SLC9C1: variants seen among roughly 807,000 people sequenced by gnomAD.
SLC9C1 encodes the protein solute carrier family 9 member C1, also known as sodium/hydrogen exchanger 10.
In SLC9C1, 97 loss-of-function variants were observed where a neutral mutation model predicts 140.9. The ratio of observed to expected loss-of-function variants is 0.69; its 90% CI spans 0.58 to 0.82. The LOEUF (loss-of-function observed/expected upper bound fraction) is 0.82. SLC9C1 is among the 40% of genes least tolerant of loss of function. The pLI, the probability that SLC9C1 is intolerant of heterozygous loss-of-function variation, is 0.00. For synonymous variants in SLC9C1, 440 were observed against 442.6 expected (o/e 0.99, Z 0.07); for missense variants, 1,340 against 1,389.3 (o/e 0.96, Z 0.56).
At chr3:112,212,346 G>T (rs1343778297) in intron 15 of SLC9C1, among the ~76,000 whole-genome samples, 3 of 152,224 alleles carry the variant, frequency 2.0e-5, no homozygotes, top group Non-Finnish European at 4.4e-5. Flanking sequence ...ACAGAACAAA[G>T]CCGGATGGAG....
intron 8 of SLC9C1, among the ~76,000 whole-genome samples, chr3:112,265,126 AG>A (rs1365714411): frequency 2.6e-5 from 4 of 152,076 alleles, no homozygotes; most frequent in Non-Finnish European, 4.4e-5. Flanking sequence ...TTAAGGAAGT[AG>A]GAGATAGAAT....
At chr3:112,207,959 A>G (rs1018348140) in intron 16 of SLC9C1, among the ~76,000 whole-genome samples, 1 of 152,192 alleles carries the variant, frequency 6.6e-6, no homozygotes, top group East Asian at 1.9e-4. Flanking sequence ...ACACCATTTT[A>G]AAATTCATTT....
chr3:112,264,682 A>G (rs2079871154), intron 8 of SLC9C1, among the ~76,000 whole-genome samples: 1 of 152,020 alleles, frequency 6.6e-6, no homozygotes, highest in Non-Finnish European at 1.5e-5. Flanking sequence ...TACACCTTCT[A>G]TGTTAAAGAG....
intron 23 of SLC9C1, among the ~76,000 whole-genome samples, chr3:112,178,050 T>G (rs1184933892): frequency 1.3e-5 from 2 of 152,134 alleles, no homozygotes; most frequent in Admixed American, 1.3e-4. Flanking sequence ...TTGTTCAAAT[T>G]ACAGCAATTG....
chr3:112,242,916 A>G (rs1263092832), intron 11 of SLC9C1, among the ~76,000 whole-genome samples: 1 of 152,218 alleles, frequency 6.6e-6, no homozygotes, highest in African/African-American at 2.4e-5. Context: ...ACATGAAAAA[A>G]TGCTCATCAT....
intron 6 of SLC9C1, 122 bp downstream of exon 6, chr3:112,274,775 A>G: frequency 1.0e-6 from 1 of 961,734 alleles, no homozygotes; most frequent in Non-Finnish European, 1.4e-6. Context: ...AAGTCACTAA[A>G]CCAATACTCA....
At chr3:112,254,204 A>G (rs934483878) in intron 10 of SLC9C1, among the ~76,000 whole-genome samples, 4 of 152,180 alleles carry the variant, frequency 2.6e-5, no homozygotes, top group Admixed American at 2.6e-4. Context: ...AACTTGCTAG[A>G]GAGGCCAACA....
Position 112,286,887 on chromosome 3 carries a change from C to T in SLC9C1, c.-87-9G>A. ...TCACAGTCCATCTGAATCTAAGAAA[C>T]ATAAGATTTGCCTTCTTGGTGGCCT... On this transcript the variant is annotated splice_polypyrimidine_tract_variant and intron_variant, in intron 1 of 28. Transcript: ENST00000305815. 1.4e-6 allele frequency: 1 copy of T among 739,070 alleles called. No homozygotes were observed. The highest frequency in any genetic ancestry group is 2.0e-6 in the Non-Finnish European group (1 of 493,902). The allele number at this position is 739,070 out of a possible 1,614,324, so 45.8% of individuals were successfully genotyped here.
intron 20 of SLC9C1, chr3:112,185,645 T>G (rs1482650302): frequency 6.4e-7 from 1 of 1,566,080 alleles, no homozygotes; most frequent in Non-Finnish European, 8.7e-7. Flanking sequence ...GGAAAGCTCC[T>G]TGGCGGTCCA....
chr3:112,184,502 G>A (rs2077495613), intron 20 of SLC9C1, among the ~76,000 whole-genome samples: 2 of 150,164 alleles, frequency 1.3e-5, no homozygotes, highest in African/African-American at 4.9e-5. Flanking sequence ...CAGGCATGGT[G>A]GTGCTTGCCT....
At chr3:112,238,770 C>T (rs1045603509) in intron 12 of SLC9C1, among the ~76,000 whole-genome samples, 4 of 152,178 alleles carry the variant, frequency 2.6e-5, no homozygotes, top group African/African-American at 4.8e-5. Context: ...TGCAGAACAG[C>T]GAATATTGCT....
At chr3:112,171,486 G>C (rs897405157) in intron 23 of SLC9C1, among the ~76,000 whole-genome samples, 6 of 152,026 alleles carry the variant, frequency 3.9e-5, no homozygotes, top group African/African-American at 1.4e-4. Flanking sequence ...ATTGTTAAGA[G>C]TTATTTATAG....
At chr3:112,282,767 C>T (rs929664876) in intron 2 of SLC9C1, among the ~76,000 whole-genome samples, 2 of 152,134 alleles carry the variant, frequency 1.3e-5, no homozygotes, top group East Asian at 1.9e-4. Context: ...GTCTTGAACT[C>T]GGTCAAGCTA....
At position 112,169,320 on chromosome 3, in the gene SLC9C1, A is replaced by C. The variant is rs1560025206; in HGVS notation, c.2928T>G (p.Phe976Leu). The change falls in exon 24 of 29, where the codon TTT (phenylalanine) becomes TTG (leucine). Residue 976 changes from phenylalanine (F) to leucine (L), a missense_variant. Transcript: ENST00000305815. ...CATCATACAAGTGAGTTTTGGGAAT[A>C]AAACATGTCTGGAAAAGAAGGATGT... is the stretch of plus-strand genomic sequence containing the variant. ...ATCKTVVETC[F>L]IPKTHLYDAF... The C allele has an allele frequency of 4.4e-6, 7 of 1,605,988 alleles. No homozygotes were observed. The highest frequency in any genetic ancestry group is 5.9e-6 in the Non-Finnish European group (7 of 1,177,572).
intron 26 of SLC9C1, among the ~76,000 whole-genome samples, chr3:112,159,703 G>T (rs1323485091): frequency 1.3e-5 from 2 of 151,948 alleles, no homozygotes; most frequent in African/African-American, 4.8e-5. Flanking sequence ...TCTCCCTTTA[G>T]ATCTCTTAAT....
chr3:112,158,942 C>CT (rs199973733), intron 26 of SLC9C1, among the ~76,000 whole-genome samples: 89 of 151,244 alleles, frequency 5.9e-4, no homozygotes, highest in African/African-American at 2.0e-3. Flanking sequence ...TGTTAATTAT[C>CT]TTTTTTAAAA....
chr3:112,284,685 T>G (rs2080453335), intron 2 of SLC9C1, among the ~76,000 whole-genome samples: 1 of 152,160 alleles, frequency 6.6e-6, no homozygotes, highest in African/African-American at 2.4e-5. Context: ...AAACTTCACA[T>G]TAAAGGAGCT....
chr3:112,186,244 A>C (rs1338254433), intron 20 of SLC9C1, among the ~76,000 whole-genome samples: 1 of 79,966 alleles, frequency 1.3e-5, no homozygotes, highest in Non-Finnish European at 2.6e-5. Context: ...ATTAAAATCC[A>C]ATTTGGTATC....
chr3:112,176,966 C>T (rs1315982319), intron 23 of SLC9C1, among the ~76,000 whole-genome samples: 1 of 145,770 alleles, frequency 6.9e-6, no homozygotes, highest in African/African-American at 2.5e-5. Context: ...TGTTAGATAT[C>T]TTGACTTCTT....
Sources: allele counts gnomAD v4.1 joint callset (sites outside exome capture counted in the v4.1 genomes callset), GRCh38; gene constraint gnomAD v4.1.1; transcripts MANE v1.5; gene names NCBI Gene and HGNC (gene_info 2026-07-23, HGNC 2026-07-21).